Variants in ADGRV1 observed in about 807,000 individuals in gnomAD.
ADGRV1 encodes the protein G-protein coupled receptor 98.
A neutral mutation model predicts 596.2 loss-of-function variants in ADGRV1; 359 were observed. The ratio of observed to expected loss-of-function variants is 0.60; its 90% CI spans 0.55 to 0.66. The LOEUF (loss-of-function observed/expected upper bound fraction) is 0.66, where lower values mean the gene tolerates loss of function less well. Ranked by LOEUF, ADGRV1 falls within the 30% of genes least tolerant of loss-of-function variation. ADGRV1 has a pLI of 0.00. For synonymous variants in ADGRV1, 2,681 were observed against 2,679.2 expected, an observed-to-expected ratio of 1.00 and a Z score of -0.02; for missense variants, 7,274 against 7,575.6, an observed-to-expected ratio of 0.96 and a Z score of 1.48.
intron 86 of ADGRV1, among the ~76,000 whole-genome samples, chr5:91,099,702 T>C (rs1473215034): frequency 6.6e-6 from 1 of 152,062 alleles, no homozygotes; most frequent in Non-Finnish European, 1.5e-5. Context: ...GTCCAGGAGT[T>C]CAAGAATAAT....
chr5:90,969,647 G>A (rs976630456), intron 84 of ADGRV1, among the ~76,000 whole-genome samples: 16 of 152,114 alleles, frequency 1.1e-4, no homozygotes, highest in Admixed American at 1.0e-3. Context: ...TCCTTTCTTG[G>A]CCATAGATAT....
At chr5:90,559,927 C>G (rs751174156) in intron 1 of ADGRV1, among the ~76,000 whole-genome samples, 1 of 152,082 alleles carries the variant, frequency 6.6e-6, no homozygotes, top group Non-Finnish European at 1.5e-5. Context: ...AAAATGATAT[C>G]TTAGGCAGGA....
At chr5:91,029,431 A>G (rs965580879) in intron 85 of ADGRV1, among the ~76,000 whole-genome samples, 35 of 152,206 alleles carry the variant, frequency 2.3e-4, no homozygotes, top group African/African-American at 8.2e-4. Context: ...TATAAACAGT[A>G]GTTCAATGAA....
intron 25 of ADGRV1, among the ~76,000 whole-genome samples, chr5:90,678,989 C>T (rs1226485291): frequency 6.6e-6 from 1 of 152,104 alleles, no homozygotes; most frequent in Non-Finnish European, 1.5e-5. Flanking sequence ...TCTTTCACAA[C>T]CAGGAAAGCA....
In ADGRV1 at chr5:90,863,785, C is replaced by A. The variant is rs778348420; in HGVS notation, c.17784C>A (p.Ile5928=). 1.9e-5 allele frequency: 30 copies of A among 1,613,326 alleles called. No individual in the cohort carries two copies. The highest frequency in any genetic ancestry group is 2.5e-5 in the Non-Finnish European group (29 of 1,179,490). ...TTTGCTTGGCTGTTCTTTCCCATATCTTCTGTGCCAGGTACTCCATGTTTG... is the reference window on the plus strand; with the variant it reads ...TTTGCTTGGCTGTTCTTTCCCATATATTCTGTGCCAGGTACTCCATGTTTG... The part of the protein sequence containing the change: ...SGLCLAVLSH[I]FCARYSMFAA... The change falls in exon 83 of 90, where the codon ATC becomes ATA. Residue 5928 remains isoleucine, a synonymous_variant. Coordinates refer to ENST00000405460, the MANE Select transcript of ADGRV1 (RefSeq NM_032119.4).
intron 89 of ADGRV1, among the ~76,000 whole-genome samples, chr5:91,162,899 T>G (rs1177879739): frequency 1.3e-5 from 2 of 152,180 alleles, no homozygotes; most frequent in African/African-American, 2.4e-5. Context: ...CCTCCTTGTT[T>G]GCAGAGTCTA....
At chr5:90,821,059 G>C (rs1409198487) in intron 75 of ADGRV1, among the ~76,000 whole-genome samples, 1 of 151,990 alleles carries the variant, frequency 6.6e-6, no homozygotes, top group African/African-American at 2.4e-5. Flanking sequence ...ACACCAATCA[G>C]ACGTAGATTT....
At chr5:91,154,595 A>G (rs1233053116) in intron 89 of ADGRV1, among the ~76,000 whole-genome samples, 1 of 152,210 alleles carries the variant, frequency 6.6e-6, no homozygotes, top group East Asian at 1.9e-4. Context: ...GGCACATCCT[A>G]TCTGTATTAG....
intron 85 of ADGRV1, among the ~76,000 whole-genome samples, chr5:91,058,665 C>T (rs779903036): frequency 6.6e-6 from 1 of 152,048 alleles, no homozygotes; most frequent in African/African-American, 2.4e-5. Context: ...TTCCTTATTA[C>T]GTGCCTCTTT....
At chr5:90,928,093 T>C (rs1028783180) in intron 83 of ADGRV1, among the ~76,000 whole-genome samples, 2 of 152,180 alleles carry the variant, frequency 1.3e-5, no homozygotes, top group Non-Finnish European at 2.9e-5. Flanking sequence ...CTTTGGTGAA[T>C]CTGATAATTA....
rs957443996 is a variant in ADGRV1 at position 90,975,274 on chromosome 5, A to G, written c.17973+9743A>G. Among the ~76,000 whole-genome samples the G allele has an allele frequency of 1.1e-4, 17 of 152,252 alleles. No individual in the cohort carries two copies. In the East Asian group the frequency reaches 1.4e-3, roughly 12 times the overall value. On this transcript the variant is annotated intron_variant, in intron 84 of 89. Transcript: ENST00000405460. ...GGTGGGACTGTAAATTAGTTCAACC[A>G]TTGTGGAAGACAGTGTGGCGATTCC...
At position 90,703,780 on chromosome 5, in the gene ADGRV1, A is replaced by T. The variant is rs781037897; in HGVS notation, c.8271A>T (p.Gln2757His). 6.3e-7 allele frequency: 1 copy of T among 1,597,726 alleles called. No individual in the cohort carries two copies. The highest frequency in any genetic ancestry group is 8.5e-7 in the Non-Finnish European group (1 of 1,171,832). ...LELNFANFSG[Q>H]LFFPEGSLNT... Reference sequence around the variant, plus strand: ...TCAATTTTGCTAACTTTAGCGGACAACTTTTCTTTCCTGAGGTAATACTGC... The same window carrying T: ...TCAATTTTGCTAACTTTAGCGGACATCTTTTCTTTCCTGAGGTAATACTGC... Residue 2757 changes from glutamine (Q) to histidine (H), a missense_variant, in exon 35 of 90, where the codon CAA (glutamine) becomes CAT (histidine). Transcript: ENST00000405460.
Position 90,753,665 on chromosome 5 carries a change from C to G in ADGRV1, c.11213C>G (p.Thr3738Ser), listed in dbSNP as rs774064104. The stretch of plus-strand genomic sequence containing the variant: ...GAGTTATCAGAGGTTGTGATTGTAA[C>G]CCTCACCCGTATCACCACAGAAGGG... ...IPELSEVVIV[T>S]LTRITTEGVE... Residue 3738 changes from threonine (T) to serine (S), a missense_variant, in exon 54 of 90, where the codon ACC becomes AGC. By Grantham distance (58) the Thr-to-Ser change is moderately conservative. Around this residue, in one of 5 missense-constraint regions of ADGRV1, gnomAD observed 3,643 missense variants for 3,809.2 expected, o/e 0.96. Coordinates refer to ENST00000405460, the MANE Select transcript of ADGRV1 (RefSeq NM_032119.4). 1 of 1,613,400 alleles carries G rather than the reference C, an allele frequency of 6.2e-7. No individual in the cohort carries two copies. Among genetic ancestry groups the G allele is most frequent in the Non-Finnish European group, 8.5e-7 (1 of 1,179,620 alleles).
chr5:90,744,593 G>T (rs1580974047), intron 50 of ADGRV1, among the ~76,000 whole-genome samples: 1 of 152,092 alleles, frequency 6.6e-6, no homozygotes, highest in South Asian at 2.1e-4. Flanking sequence ...TATGGACATG[G>T]TGTAATATTG....
intron 66 of ADGRV1, 136 bp from the exon 67 acceptor site, chr5:90,783,702 C>T (rs2150104719): frequency 3.1e-6 from 2 of 641,036 alleles, no homozygotes; most frequent in East Asian, 2.7e-5. Flanking sequence ...TAGCTAAGCA[C>T]CCACTTCTTA....
At chr5:90,756,328 T>C in intron 55 of ADGRV1, 126 bp from the exon 56 acceptor site, 2 of 593,710 alleles carry the variant, frequency 3.4e-6, no homozygotes, top group Non-Finnish European at 5.7e-6. Flanking sequence ...CTTTTTTATG[T>C]TTGACAGAGC....
chr5:90,939,446 T>C (rs73771130), intron 83 of ADGRV1, among the ~76,000 whole-genome samples: 26 of 152,312 alleles, frequency 1.7e-4, no homozygotes, highest in African/African-American at 5.3e-4. Flanking sequence ...AACACTAAAC[T>C]GAAGGTCAGG....
intron 83 of ADGRV1, among the ~76,000 whole-genome samples, chr5:90,961,668 G>A (rs530408890): frequency 1.3e-5 from 2 of 152,050 alleles, no homozygotes; most frequent in Non-Finnish European, 2.9e-5. Flanking sequence ...CCAAGCAAGC[G>A]GGGACACATG....
chr5:90,852,354 G>T (rs551976805), intron 79 of ADGRV1, among the ~76,000 whole-genome samples: 5 of 152,268 alleles, frequency 3.3e-5, no homozygotes, highest in Admixed American at 2.6e-4. Context: ...CGACGTAGTT[G>T]TACATACTCT....
Sources: allele counts gnomAD v4.1 joint callset (sites outside exome capture counted in the v4.1 genomes callset), GRCh38; gene constraint gnomAD v4.1.1; regional missense constraint gnomAD v4.1.1; transcripts MANE v1.5; gene names NCBI Gene and HGNC (gene_info 2026-07-23, HGNC 2026-07-21).